Variants in GRM7 observed in about 807,000 individuals in gnomAD.
GRM7 encodes metabotropic glutamate receptor 7.
GRM7 carries 35 observed loss-of-function variants against 84.5 expected under a neutral mutation model. The observed-to-expected ratio is 0.41, with a 90% CI of 0.32 to 0.55. The LOEUF is 0.55. GRM7 is among the 20% of genes least tolerant of loss of function. GRM7 has a pLI of 0.19. For missense variants in GRM7, 1,003 were observed against 1,194.6 expected (o/e 0.84, Z 2.36); for synonymous variants, 487 against 455.1 (o/e 1.07, Z -0.89).
intron 1 of GRM7, among the ~76,000 whole-genome samples, chr3:7,079,545 A>T (rs1328941670): frequency 6.6e-6 from 1 of 152,128 alleles, no homozygotes. Context: ...ATTCAAATTG[A>T]CTCTGGAGTA....
chr3:7,513,042 A>G (rs1269835232), intron 7 of GRM7, among the ~76,000 whole-genome samples: 1 of 152,236 alleles, frequency 6.6e-6, no homozygotes, highest in Non-Finnish European at 1.5e-5. Context: ...CCTGGAGAAA[A>G]TAAATGAGCC....
At chr3:7,614,554 CT>C (rs1165060895) in intron 8 of GRM7, among the ~76,000 whole-genome samples, 2 of 152,140 alleles carry the variant, frequency 1.3e-5, no homozygotes, top group South Asian at 4.1e-4. Context: ...ATTTTATAAT[CT>C]AGTCAGTAAA....
At chr3:7,200,245 C>A (rs1696020126) in intron 2 of GRM7, among the ~76,000 whole-genome samples, 1 of 152,172 alleles carries the variant, frequency 6.6e-6, no homozygotes, top group Non-Finnish European at 1.5e-5. Flanking sequence ...GGCCCTACCT[C>A]CTAACACTGC....
At chr3:7,397,823 G>T (rs1248500399) in intron 4 of GRM7, among the ~76,000 whole-genome samples, 11 of 152,122 alleles carry the variant, frequency 7.2e-5, no homozygotes, top group African/African-American at 2.7e-4. Context: ...TGGTGGTACA[G>T]TTAGGGAATC....
chr3:7,227,392 A>G (rs1166556583), intron 2 of GRM7, among the ~76,000 whole-genome samples: 1 of 152,120 alleles, frequency 6.6e-6, no homozygotes, highest in Non-Finnish European at 1.5e-5. Context: ...TGTCTACCCT[A>G]CCCCACTGTG....
intron 2 of GRM7, among the ~76,000 whole-genome samples, chr3:7,237,934 G>A (rs1420040776): frequency 3.3e-5 from 5 of 152,198 alleles, no homozygotes; most frequent in East Asian, 1.9e-4. Context: ...TGATTGGTGC[G>A]TTTACAGACC....
chr3:7,070,659 C>A (rs1287745313), intron 1 of GRM7, among the ~76,000 whole-genome samples: 1 of 152,006 alleles, frequency 6.6e-6, no homozygotes, highest in African/African-American at 2.4e-5. Context: ...CCTGTCCCTT[C>A]CCTTTTCCCA....
At chr3:7,441,370 A>T (rs1195773380) in intron 5 of GRM7, among the ~76,000 whole-genome samples, 8 of 152,020 alleles carry the variant, frequency 5.3e-5, no homozygotes, top group Admixed American at 4.6e-4. Flanking sequence ...ATTTAAGTTC[A>T]TTATAGATTC....
intron 7 of GRM7, among the ~76,000 whole-genome samples, chr3:7,570,065 C>T (rs567939590): frequency 9.9e-5 from 15 of 152,208 alleles, no homozygotes; most frequent in African/African-American, 1.4e-4. Context: ...ACAAGAACAG[C>T]GCAGGAAAGA....
chr3:7,230,893 G>A (rs539301749), intron 2 of GRM7, among the ~76,000 whole-genome samples: 2 of 152,142 alleles, frequency 1.3e-5, no homozygotes, highest in Non-Finnish European at 2.9e-5. Context: ...AATCTTGGCA[G>A]GTTGAGTGGG....
intron 1 of GRM7, among the ~76,000 whole-genome samples, chr3:6,888,008 T>C (rs1695771388): frequency 6.6e-6 from 1 of 152,228 alleles, no homozygotes; most frequent in Admixed American, 6.5e-5. Context: ...TTCATGTGTT[T>C]TTTGGCTGCA....
At position 7,569,676 on chromosome 3, in the gene GRM7, A is replaced by G. The variant is rs182250041; in HGVS notation, c.1516-8746A>G. ...GCCTTTATGAGCTGTAACACTCACC[A>G]TGAAGGTCTACAGCTTCACTCCTGA... On this transcript the variant is annotated intron_variant, in intron 7 of 9. Coordinates refer to ENST00000357716, the MANE Select transcript of GRM7 (RefSeq NM_000844.4). 5.0e-3 allele frequency among the ~76,000 whole-genome samples: 767 copies of G among 152,200 alleles called. 3 individuals are homozygous for G. The highest frequency in any genetic ancestry group is 7.8e-3 in the Non-Finnish European group (529 of 68,008).
chr3:7,164,452 C>T (rs1694737471), intron 2 of GRM7, among the ~76,000 whole-genome samples: 1 of 152,224 alleles, frequency 6.6e-6, no homozygotes, highest in African/African-American at 2.4e-5. Flanking sequence ...ACAAAGAATG[C>T]TAAGACTTCT....
intron 4 of GRM7, among the ~76,000 whole-genome samples, chr3:7,331,582 C>G (rs1450799767): frequency 2.0e-5 from 3 of 152,136 alleles, no homozygotes; most frequent in African/African-American, 7.2e-5. Flanking sequence ...AGCATGGACC[C>G]TATAGCCAAA....
chr3:6,886,106 T>G (rs1695683342), intron 1 of GRM7, among the ~76,000 whole-genome samples: 1 of 151,828 alleles, frequency 6.6e-6, no homozygotes, highest in Admixed American at 6.6e-5. Context: ...TGTGTGTGTG[T>G]GTGGGTGTGT....
intron 2 of GRM7, among the ~76,000 whole-genome samples, chr3:7,223,794 T>A (rs1465803841): frequency 1.3e-5 from 2 of 152,200 alleles, no homozygotes; most frequent in Non-Finnish European, 1.5e-5. Context: ...GTCTAGAGAT[T>A]TTCTAGATGG....
chr3:6,956,676 A>C (rs1693068638), intron 1 of GRM7: 1 of 454,558 alleles, frequency 2.2e-6, no homozygotes, highest in African/African-American at 2.0e-5. Flanking sequence ...TGCTCACATG[A>C]ATCTCTCGCA....
intron 4 of GRM7, among the ~76,000 whole-genome samples, chr3:7,376,299 G>A (rs945846067): frequency 6.6e-6 from 1 of 152,084 alleles, no homozygotes; most frequent in African/African-American, 2.4e-5. Flanking sequence ...TTTCTGCTCT[G>A]TGGCTGCAAG....
intron 8 of GRM7, among the ~76,000 whole-genome samples, chr3:7,655,679 ATAGGTT>A (rs1699147847): frequency 6.6e-6 from 1 of 152,140 alleles, no homozygotes; most frequent in Non-Finnish European, 1.5e-5. Context: ...CCACCTTCAC[ATAGGTT>A]TGTCAAATGT....
Sources: gnomAD v4.1 joint callset for allele counts (sites outside exome capture counted in the v4.1 genomes callset) on GRCh38, gnomAD v4.1.1 for gene constraint, MANE v1.5 for transcripts, NCBI Gene and HGNC (gene_info 2026-07-23, HGNC 2026-07-21) for gene names.